CTNND2: variants seen among roughly 807,000 people sequenced by gnomAD.
CTNND2 encodes the protein catenin delta 2.
Under a neutral mutation model 144.4 loss-of-function variants are expected in CTNND2, and 22 were observed. The ratio of observed to expected loss-of-function variants is 0.15; its 90% CI spans 0.11 to 0.22. The LOEUF (loss-of-function observed/expected upper bound fraction) is 0.22, where lower values mean the gene tolerates loss of function less well. Among genes scored for constraint, CTNND2 ranks in the 10% least tolerant of loss-of-function variants. CTNND2 has a pLI of 1.00. For synonymous variants in CTNND2, 751 were observed against 695.6 expected (o/e 1.08, Z -1.25); for missense variants, 1,353 against 1,618.8 (o/e 0.84, Z 2.82).
chr5:11,034,288 A>C (rs1846988), intron 16 of CTNND2, among the ~76,000 whole-genome samples: 29,592 of 152,194 alleles, frequency 0.19, 3,455 homozygotes, highest in Non-Finnish European at 0.27. Context: ...ATAAGCTAAT[A>C]TTATTATTTA....
At chr5:11,120,560 G>GCAACAT (rs1754018562) in intron 12 of CTNND2, among the ~76,000 whole-genome samples, 1 of 67,624 alleles carries the variant, frequency 1.5e-5, no homozygotes, top group African/African-American at 6.1e-5. Flanking sequence ...CTGTCCGCAG[G>GCAACAT]GGTGATGAGG....
intron 9 of CTNND2, among the ~76,000 whole-genome samples, chr5:11,312,891 AT>A (rs1268873705): frequency 6.6e-6 from 1 of 152,184 alleles, no homozygotes; most frequent in East Asian, 1.9e-4. Flanking sequence ...GAATACTTTT[AT>A]CTCCATTTCA....
intron 3 of CTNND2, among the ~76,000 whole-genome samples, chr5:11,500,824 T>C (rs140420133): frequency 6.6e-6 from 1 of 152,364 alleles, no homozygotes; most frequent in African/African-American, 2.4e-5. Flanking sequence ...ATAAATAGAA[T>C]TGATTTTTTT....
At chr5:11,129,266 T>C (rs1489828917) in intron 12 of CTNND2, among the ~76,000 whole-genome samples, 3 of 75,022 alleles carry the variant, frequency 4.0e-5, no homozygotes, top group Non-Finnish European at 7.5e-5. Flanking sequence ...AATATAAATA[T>C]ATAAATATAT....
At chr5:11,568,304 C>T (rs1777283795) in intron 2 of CTNND2, among the ~76,000 whole-genome samples, 1 of 152,204 alleles carries the variant, frequency 6.6e-6, no homozygotes, top group South Asian at 2.1e-4. Flanking sequence ...ACTCTCAGCA[C>T]TGTCTTAACT....
At chr5:11,590,680 C>T (rs1248564596) in intron 2 of CTNND2, among the ~76,000 whole-genome samples, 2 of 151,900 alleles carry the variant, frequency 1.3e-5, no homozygotes, top group Admixed American at 1.3e-4. Context: ...TGTGACAATA[C>T]ACCCTCCCAG....
chr5:11,638,652 C>T (rs550098357), intron 2 of CTNND2, among the ~76,000 whole-genome samples: 1 of 152,194 alleles, frequency 6.6e-6, no homozygotes, highest in Non-Finnish European at 1.5e-5. Context: ...TGGCTCAATG[C>T]ACCCTCTGCC....
chr5:11,269,546 T>TA (rs1745786607), intron 9 of CTNND2, among the ~76,000 whole-genome samples: 1 of 152,238 alleles, frequency 6.6e-6, no homozygotes, highest in African/African-American at 2.4e-5. Flanking sequence ...AGCACGTATT[T>TA]AACTCATTGT....
chr5:11,486,936 G>T (rs964310237), intron 3 of CTNND2, among the ~76,000 whole-genome samples: 8 of 152,130 alleles, frequency 5.3e-5, no homozygotes, highest in African/African-American at 1.9e-4. Context: ...TTTGAAAGCA[G>T]CTTACATATA....
chr5:11,246,492 C>T (rs558903054), intron 9 of CTNND2, among the ~76,000 whole-genome samples: 3 of 152,060 alleles, frequency 2.0e-5, no homozygotes, highest in East Asian at 3.9e-4. Context: ...ACCGAGGATT[C>T]CGGGCACCAC....
At chr5:11,719,835 C>T (rs1416678521) in intron 2 of CTNND2, among the ~76,000 whole-genome samples, 99 of 59,544 alleles carry the variant, frequency 1.7e-3, no homozygotes, top group Admixed American at 8.8e-3. Flanking sequence ...CTGACATATA[C>T]ACACACACAC....
intron 2 of CTNND2, among the ~76,000 whole-genome samples, chr5:11,640,575 G>A (rs889293777): frequency 6.6e-6 from 1 of 152,158 alleles, no homozygotes; most frequent in Non-Finnish European, 1.5e-5. Context: ...AACGGGACTG[G>A]TGTCACACAT....
At chr5:11,814,626 C>T (rs774849887) in intron 1 of CTNND2, among the ~76,000 whole-genome samples, 8 of 152,312 alleles carry the variant, frequency 5.3e-5, no homozygotes, top group South Asian at 2.1e-4. Context: ...CGTTGGTTAA[C>T]GCTAAGCTAC....
Position 11,671,630 on chromosome 5 carries a change from G to C in CTNND2, c.174+60506C>G, listed in dbSNP as rs2126601645. ...ATGCTGTTTTCTTCAGCTCCATCAAGTCATTTATGTTCTTCTCTAAACTGG... is the reference window on the plus strand; with the variant it reads ...ATGCTGTTTTCTTCAGCTCCATCAACTCATTTATGTTCTTCTCTAAACTGG... On this transcript the variant is annotated intron_variant, in intron 2 of 21. Transcript: ENST00000304623. Among the ~76,000 whole-genome samples the C allele has an allele frequency of 2.0e-5, 3 of 151,918 alleles. No homozygotes were observed. The Middle Eastern group carries it at 0.01, about 517-fold the overall frequency.
chr5:11,814,604 G>A (rs963089059), intron 1 of CTNND2, among the ~76,000 whole-genome samples: 5 of 152,242 alleles, frequency 3.3e-5, no homozygotes, highest in Non-Finnish European at 7.3e-5. Context: ...AAAGCCAGAC[G>A]CAGAGAGCCA....
chr5:11,186,748 C>T (rs1194151773), intron 11 of CTNND2, among the ~76,000 whole-genome samples: 2 of 152,108 alleles, frequency 1.3e-5, no homozygotes, highest in Non-Finnish European at 2.9e-5. Context: ...ATCTAGGGTC[C>T]AGAAATATGT....
At position 11,384,470 on chromosome 5, in the gene CTNND2, G is replaced by T; in HGVS notation, c.1177+195C>A. The T allele has an allele frequency of 1.7e-6, 1 of 592,950 alleles. No homozygotes were observed. The highest frequency in any genetic ancestry group is 3.0e-6 in the Non-Finnish European group (1 of 335,480). The allele number at this position is 592,950 out of a possible 1,614,324, so 36.7% of individuals were successfully genotyped here. A position where few individuals can be genotyped will look rare whatever the true frequency, so the allele number is the denominator to read the frequency against. On this transcript the variant is annotated intron_variant, in intron 7 of 21. Coordinates refer to ENST00000304623, the MANE Select transcript of CTNND2 (RefSeq NM_001332.4). This position sits in a 1 kb window ranked among gnomAD's most constrained non-coding sequence, Gnocchi z 5.2. ...AGAGATTGAGACACCACATTACTCCGGAAAAGAAGTCACTGACAAACTGTA... is the reference window on the plus strand; with the variant it reads ...AGAGATTGAGACACCACATTACTCCTGAAAAGAAGTCACTGACAAACTGTA...
At chr5:11,901,744 A>G (rs111638440) in intron 1 of CTNND2, among the ~76,000 whole-genome samples, 1 of 152,302 alleles carries the variant, frequency 6.6e-6, no homozygotes, top group Non-Finnish European at 1.5e-5. Flanking sequence ...ATATAACATA[A>G]AACCCACATA....
chr5:11,300,935 G>A (rs1223165799), intron 9 of CTNND2, among the ~76,000 whole-genome samples: 1 of 152,116 alleles, frequency 6.6e-6, no homozygotes, highest in East Asian at 1.9e-4. Flanking sequence ...CACTGATGGG[G>A]AAGATACTGA....
Sources: gnomAD v4.1 joint callset for allele counts (sites outside exome capture counted in the v4.1 genomes callset) on GRCh38, gnomAD v4.1.1 for gene constraint, Gnocchi (gnomAD v3.1) non-coding constraint, MANE v1.5 for transcripts, NCBI Gene and HGNC (gene_info 2026-07-23, HGNC 2026-07-21) for gene names.